The following IFI27 variants were observed in gnomAD, a reference collection of about 807,000 sequenced individuals.
The protein encoded by IFI27 is interferon alpha inducible protein 27.
In IFI27, 3 loss-of-function variants were observed where a neutral mutation model predicts 8.9. The observed-to-expected ratio is 0.34, with a 90% CI of 0.15 to 0.87. IFI27 has a LOEUF of 0.87. IFI27 is among the 40% of genes least tolerant of loss of function. IFI27 has a pLI of 0.51. For missense variants in IFI27, 152 were observed against 157.7 expected, an observed-to-expected ratio of 0.96 and a Z score of 0.19; for synonymous variants, 66 against 67.3, an observed-to-expected ratio of 0.98 and a Z score of 0.09.
Position 94,111,509 on chromosome 14 carries a change from C to T in IFI27, c.-58-116C>T, listed in dbSNP as rs1044165908. 1.6e-6 allele frequency: 1 copy of T among 616,758 alleles called. No individual in the cohort carries two copies. Among genetic ancestry groups the T allele is most frequent in the Non-Finnish European group, 2.9e-6 (1 of 341,528 alleles). The allele number at this position is 616,758 out of a possible 1,614,324, so 38.2% of individuals were successfully genotyped here. A position where few individuals can be genotyped will look rare whatever the true frequency, so the allele number is the denominator to read the frequency against. On this transcript the variant is annotated intron_variant, in intron 1 of 4. Transcript: ENST00000621160. This position sits in a 1 kb window ranked among gnomAD's most constrained non-coding sequence, Gnocchi z 4.3. ...CAGGATCCTTTCAAGGCCTGCTGCT[C>T]CACAAGCTCAGAGCAGCCTCCCTAG...
chr14:94,115,183 C>T, intron 3 of IFI27: 1 of 653,106 alleles, frequency 1.5e-6, no homozygotes, highest in South Asian at 1.6e-5. Context: ...CTCCTCTGAG[C>T]TCCTGTTTCC....
intron 2 of IFI27, among the ~76,000 whole-genome samples, chr14:94,112,451 CA>C (rs2139292191): frequency 6.6e-6 from 1 of 152,320 alleles, no homozygotes; most frequent in African/African-American, 2.4e-5. Context: ...TGAGATCCAT[CA>C]GTGTCATTCG....
Position 94,116,486 on chromosome 14 carries a change from A to G in IFI27, c.328A>G (p.Ile110Val). The G allele has an allele frequency of 1.9e-6, 3 of 1,613,544 alleles. No individual in the cohort carries two copies. Among genetic ancestry groups the G allele is most frequent in the Non-Finnish European group, 2.5e-6 (3 of 1,179,838 alleles). The stretch of plus-strand genomic sequence containing the variant: ...ATTGACCAAGTTCATCCTGGGCTCC[A>G]TTGGGTCTGCCATTGCGGCTGTCAT... The change falls in exon 5 of 5, where the codon ATT (isoleucine) becomes GTT (valine). Residue 110 changes from isoleucine (I) to valine (V), a missense_variant. By Grantham distance (29) the Ile-to-Val change is conservative. Transcript: ENST00000621160. This position sits in a 1 kb window ranked among gnomAD's most constrained non-coding sequence, Gnocchi z 4.3.
Position 94,111,655 on chromosome 14 carries a change from C to G in IFI27, c.-28C>G. On this transcript the variant is annotated 5_prime_UTR_variant, in exon 2 of 5. Transcript: ENST00000621160. This position sits in a 1 kb window ranked among gnomAD's most constrained non-coding sequence, Gnocchi z 4.3. The stretch of plus-strand genomic sequence containing the variant: ...GCTGAAGTTGAGGATCTCTTACTCT[C>G]TAGGCCACGGAATTAACCCGAGCAG... 1 of 1,596,172 alleles carries G rather than the reference C, an allele frequency of 6.3e-7. No individual in the cohort carries two copies. Among genetic ancestry groups the G allele is most frequent in the Non-Finnish European group, 8.6e-7 (1 of 1,163,596 alleles).
chr14:94,115,770 C>A lies in IFI27; in HGVS notation c.122-11C>A. 6.3e-7 allele frequency: 1 copy of A among 1,596,168 alleles called. No individual in the cohort carries two copies. Among genetic ancestry groups the A allele is most frequent in the Non-Finnish European group, 8.5e-7 (1 of 1,172,470 alleles). ...GAGCCCACGCACCGACCCAGCTCCT[C>A]TTCCCTGCAGTTGTGGCCATGGCGG... is the stretch of plus-strand genomic sequence containing the variant. On this transcript the variant is annotated splice_polypyrimidine_tract_variant and intron_variant, in intron 3 of 4. Transcript: ENST00000621160.
Position 94,111,672 on chromosome 14 carries a change from C to A in IFI27, c.-11C>A. On this transcript the variant is annotated 5_prime_UTR_variant, in exon 2 of 5. Coordinates refer to ENST00000621160, the Ensembl canonical transcript of IFI27. This position sits in a 1 kb window ranked among gnomAD's most constrained non-coding sequence, Gnocchi z 4.3. ...CTTACTCTCTAGGCCACGGAATTAA[C>A]CCGAGCAGGCATGGAGGCCTCTGCT... The A allele has an allele frequency of 6.2e-7, 1 of 1,612,190 alleles. No homozygotes were observed. Among genetic ancestry groups the A allele is most frequent in the Non-Finnish European group, 8.5e-7 (1 of 1,178,196 alleles).
chr14:94,105,962 C>T (rs1424664356), upstream of IFI27: 1 of 152,170 alleles, frequency 6.6e-6, no homozygotes, highest in Non-Finnish European at 1.5e-5. Context: ...AGGCCGTTTG[C>T]ACTGCTGTAA....
chr14:94,114,789 G>A (rs1285403495), intron 2 of IFI27, 62 bp from the exon 3 acceptor site: 2 of 1,594,288 alleles, frequency 1.3e-6, no homozygotes. Flanking sequence ...TGGGCAATCG[G>A]CTTAGAAAGT....
In IFI27 at chr14:94,116,313, G is replaced by T; in HGVS notation, c.284-129G>T. ...CCCGAGGGTACTGGGAAACAGAGAG[G>T]GGAACTGGGTGGGGTCTGTAAGCCT... On this transcript the variant is annotated intron_variant, in intron 4 of 4. Transcript: ENST00000621160. This position sits in a 1 kb window ranked among gnomAD's most constrained non-coding sequence, Gnocchi z 4.3. 1.5e-6 allele frequency: 1 copy of T among 689,632 alleles called. No individual in the cohort carries two copies. The highest frequency in any genetic ancestry group is 1.7e-5 in the South Asian group (1 of 60,136). The allele number at this position is 689,632 out of a possible 1,614,324, so 42.7% of individuals were successfully genotyped here. A position where few individuals can be genotyped will look rare whatever the true frequency, so the allele number is the denominator to read the frequency against.
chr14:94,114,160 C>T (rs1182789771), intron 2 of IFI27: 1 of 152,276 alleles, frequency 6.6e-6, no homozygotes, highest in Admixed American at 6.5e-5. Flanking sequence ...GCTTTCAATT[C>T]ATTCCATTCA....
Position 94,114,711 on chromosome 14 carries a change from G to A in IFI27, c.92-140G>A, listed in dbSNP as rs1595411236. The A allele has an allele frequency of 6.5e-6, 5 of 766,706 alleles. No individual in the cohort carries two copies. The South Asian group carries it at 8.2e-5, about 13-fold the overall frequency. 47.5% of individuals were successfully genotyped at this position (766,706 alleles called of 1,614,324 possible). A position where few individuals can be genotyped will look rare whatever the true frequency, so the allele number is the denominator to read the frequency against. On this transcript the variant is annotated intron_variant, in intron 2 of 4. Coordinates refer to ENST00000621160, the Ensembl canonical transcript of IFI27. ...TTTCCACTTCCCGAAATGAAGCAAA[G>A]AGCGGTAGACAGGAGTCATCCCTTC...
chr14:94,114,462 G>A, intron 2 of IFI27: 1 of 221,096 alleles, frequency 4.5e-6, no homozygotes. Flanking sequence ...TATTTACTGG[G>A]AATGGACATC....
chr14:94,109,891 CCTGA>C (rs764458456), upstream of IFI27, among the ~76,000 whole-genome samples: 7 of 152,224 alleles, frequency 4.6e-5, no homozygotes, highest in Non-Finnish European at 1.0e-4. Context: ...GCAGGGTGAG[CCTGA>C]CTGTGTCATT....
upstream of IFI27, among the ~76,000 whole-genome samples, chr14:94,106,216 C>T (rs1437542791): frequency 6.6e-6 from 1 of 152,162 alleles, no homozygotes; most frequent in East Asian, 1.9e-4. Context: ...ATTTAGTCAC[C>T]TCCCAAAAAG....
Position 94,116,133 on chromosome 14 carries a change from C to T in IFI27, c.283+191C>T, listed in dbSNP as rs561254671. 3.9e-6 allele frequency: 3 copies of T among 768,712 alleles called. No individual in the cohort carries two copies. Among genetic ancestry groups the T allele is most frequent in the African/African-American group, 3.4e-5 (2 of 58,566 alleles). 47.6% of individuals were successfully genotyped at this position (768,712 alleles called of 1,614,324 possible). ...GAGCCCAAGCCAGGAACAGTGCACT[C>T]AGGAAGACTCAGCCCGAAGCAGATT... is the stretch of plus-strand genomic sequence containing the variant. On this transcript the variant is annotated intron_variant, in intron 4 of 4. Coordinates refer to ENST00000621160, the Ensembl canonical transcript of IFI27. The surrounding 1 kb of genome is among the most constrained non-coding windows in gnomAD (Gnocchi z 4.3).
chr14:94,116,252 G>T lies in IFI27; in HGVS notation c.284-190G>T. The T allele has an allele frequency of 3.1e-6, 2 of 645,840 alleles. No homozygotes were observed. Among genetic ancestry groups the T allele is most frequent in the Non-Finnish European group, 5.6e-6 (2 of 359,036 alleles). The allele number at this position is 645,840 out of a possible 1,614,324, so 40.0% of individuals were successfully genotyped here. A position where few individuals can be genotyped will look rare whatever the true frequency, so the allele number is the denominator to read the frequency against. ...TCTAGCTCTGGAGTTCACCATGGGGGTTCATGCCTGCAGCAGCCTCTCCCC... is the reference window on the plus strand; with the variant it reads ...TCTAGCTCTGGAGTTCACCATGGGGTTTCATGCCTGCAGCAGCCTCTCCCC... On this transcript the variant is annotated intron_variant, in intron 4 of 4. Coordinates refer to ENST00000621160, the Ensembl canonical transcript of IFI27. This position sits in a 1 kb window ranked among gnomAD's most constrained non-coding sequence, Gnocchi z 4.3.
chr14:94,115,971 A>T, intron 4 of IFI27, 29 bp downstream of exon 4: 1 of 1,551,668 alleles, frequency 6.4e-7, no homozygotes, highest in Non-Finnish European at 8.7e-7. Context: ...CTTGCTGGGG[A>T]GGGCGATGAG....
chr14:94,114,820 T>C (rs774274888), intron 2 of IFI27, 31 bp from the exon 3 acceptor site: 3 of 1,613,588 alleles, frequency 1.9e-6, no homozygotes, highest in South Asian at 1.1e-5. Flanking sequence ...CCAGTGTGGA[T>C]CTACTCACAG....
chr14:94,107,399 T>C (rs766187100), upstream of IFI27, among the ~76,000 whole-genome samples: 2 of 152,190 alleles, frequency 1.3e-5, no homozygotes, highest in Non-Finnish European at 2.9e-5. Flanking sequence ...GGTTATTCGA[T>C]TTTTTGTTGT....
Sources: allele counts gnomAD v4.1 joint callset (sites outside exome capture counted in the v4.1 genomes callset), GRCh38; gene constraint gnomAD v4.1.1; non-coding constraint Gnocchi (gnomAD v3.1); transcripts MANE v1.5; gene names NCBI Gene and HGNC (gene_info 2026-07-23, HGNC 2026-07-21).